NFYC: variants seen among roughly 807,000 people sequenced by gnomAD.
NFYC encodes the protein nuclear transcription factor Y subunit gamma, also known as CAAT box DNA-binding protein subunit C.
NFYC carries 25 observed loss-of-function variants against 53.1 expected under a neutral mutation model. The observed-to-expected ratio is 0.47, with a 90% CI of 0.34 to 0.66. The LOEUF is 0.66. Ranked by LOEUF, NFYC falls within the 30% of genes least tolerant of loss-of-function variation. The pLI, the probability that NFYC is intolerant of heterozygous loss-of-function variation, is 0.01. For synonymous variants in NFYC, 145 were observed against 152.6 expected (o/e 0.95, Z 0.37); for missense variants, 260 against 422.7 (o/e 0.62, Z 3.38).
chr1:40,769,077 G>A, intron 8 of NFYC: 1 of 375,414 alleles, frequency 2.7e-6, no homozygotes, highest in South Asian at 2.7e-5. Flanking sequence ...TTTGAGATGA[G>A]TGGGTGGTTG....
intron 1 of NFYC, among the ~76,000 whole-genome samples, chr1:40,718,339 C>G (rs894814957): frequency 4.6e-5 from 7 of 152,170 alleles, no homozygotes; most frequent in Admixed American, 2.6e-4. Context: ...GGCTTTTGCT[C>G]TTTATACTGC....
intron 1 of NFYC, among the ~76,000 whole-genome samples, chr1:40,732,036 A>C (rs1453696332): frequency 6.6e-6 from 1 of 152,252 alleles, no homozygotes; most frequent in Non-Finnish European, 1.5e-5. Flanking sequence ...ACTTTGCTTT[A>C]ATTGGAAGCA....
intron 1 of NFYC, among the ~76,000 whole-genome samples, chr1:40,711,876 A>G (rs1643939600): frequency 6.6e-6 from 1 of 152,250 alleles, no homozygotes; most frequent in Admixed American, 6.5e-5. Context: ...AGCATGGTAC[A>G]GACCATTTAA....
At chr1:40,700,181 G>T (rs576481043) in intron 1 of NFYC, among the ~76,000 whole-genome samples, 104 of 152,280 alleles carry the variant, frequency 6.8e-4, no homozygotes, top group African/African-American at 2.3e-3. Context: ...GGATGAATGT[G>T]ATTTCAAAGG....
intron 1 of NFYC, chr1:40,721,811 C>G: frequency 6.6e-6 from 1 of 152,330 alleles, no homozygotes; most frequent in East Asian, 1.9e-4. Flanking sequence ...GATCCTCCTG[C>G]TTTGGCTTCC....
At chr1:40,714,773 C>T (rs558140660) in intron 1 of NFYC, among the ~76,000 whole-genome samples, 129 of 152,204 alleles carry the variant, frequency 8.5e-4, no homozygotes, top group African/African-American at 3.1e-3. Flanking sequence ...GCTACTAGGC[C>T]TGGCTAATTA....
chr1:40,717,940 A>G (rs764410437), intron 1 of NFYC, among the ~76,000 whole-genome samples: 1 of 152,244 alleles, frequency 6.6e-6, no homozygotes. Flanking sequence ...CATCTGTAGG[A>G]TTTAGCAGAA....
rs955748898 is a variant in NFYC, at chr1:40,771,075, T to C, written c.*247T>C. On this transcript the variant is annotated 3_prime_UTR_variant, in exon 10 of 10. Transcript: ENST00000447388. ...AATATTTCAATATGTTGAGTGTGTG[T>C]CCAATGCTATGAAATTAAAATATTA... 1.3e-5 allele frequency: 7 copies of C among 551,870 alleles called. No homozygotes were observed. The Admixed American group carries it at 1.6e-4, about 13-fold the overall frequency. The allele number at this position is 551,870 out of a possible 1,614,324, so 34.2% of individuals were successfully genotyped here. A position where few individuals can be genotyped will look rare whatever the true frequency, so the allele number is the denominator to read the frequency against.
At chr1:40,697,087 G>A (rs1643189445) in intron 1 of NFYC, among the ~76,000 whole-genome samples, 1 of 152,216 alleles carries the variant, frequency 6.6e-6, no homozygotes, top group African/African-American at 2.4e-5. Context: ...CTGTGCTGGA[G>A]CAGGTTCTTA....
intron 1 of NFYC, chr1:40,735,073 A>G (rs1385651959): frequency 6.6e-6 from 1 of 152,052 alleles, no homozygotes; most frequent in African/African-American, 2.4e-5. Context: ...GGGGCCCTCA[A>G]ATGTAAGCTG....
intron 1 of NFYC, among the ~76,000 whole-genome samples, chr1:40,711,557 C>T (rs1240840619): frequency 2.6e-5 from 4 of 152,144 alleles, no homozygotes; most frequent in African/African-American, 7.2e-5. Flanking sequence ...CAGTCACTGC[C>T]TCTAGCCGAG....
chr1:40,719,301 T>C (rs2148484715), intron 1 of NFYC, among the ~76,000 whole-genome samples: 1 of 152,374 alleles, frequency 6.6e-6, no homozygotes, highest in South Asian at 2.1e-4. Flanking sequence ...AATAACATTA[T>C]CACCATGTTC....
intron 1 of NFYC, among the ~76,000 whole-genome samples, chr1:40,704,600 G>T (rs1014126943): frequency 1.3e-5 from 2 of 152,192 alleles, no homozygotes; most frequent in Non-Finnish European, 2.9e-5. Flanking sequence ...TGAATTCTAA[G>T]GTAAGTGTTG....
intron 1 of NFYC, among the ~76,000 whole-genome samples, chr1:40,694,875 T>C (rs963677375): frequency 5.9e-5 from 9 of 152,226 alleles, no homozygotes; most frequent in African/African-American, 2.2e-4. Context: ...ATTTATACTT[T>C]ATAGGCTGTG....
intron 4 of NFYC, among the ~76,000 whole-genome samples, chr1:40,751,873 G>A (rs2148689508): frequency 6.6e-6 from 1 of 152,202 alleles, no homozygotes; most frequent in East Asian, 1.9e-4. Context: ...TCTTAAATGA[G>A]TTCTGGCAAT....
At chr1:40,754,342 C>G in intron 5 of NFYC, 1 of 534,558 alleles carries the variant, frequency 1.9e-6, no homozygotes, top group Non-Finnish European at 3.8e-6. Flanking sequence ...CTCACTGCGT[C>G]TCCGTTCTTT....
intron 1 of NFYC, among the ~76,000 whole-genome samples, chr1:40,728,058 C>T (rs946016955): frequency 1.4e-4 from 21 of 151,932 alleles, no homozygotes; most frequent in Admixed American, 3.9e-4. Flanking sequence ...GGACTACAGG[C>T]GTGCACCAAC....
At chr1:40,704,218 C>T (rs1643582108) in intron 1 of NFYC, among the ~76,000 whole-genome samples, 1 of 151,980 alleles carries the variant, frequency 6.6e-6, no homozygotes, top group Non-Finnish European at 1.5e-5. Flanking sequence ...ACTACAGGCG[C>T]CCGCCACCAC....
At chr1:40,741,126 C>A (rs979501985) in intron 2 of NFYC, among the ~76,000 whole-genome samples, 1 of 152,058 alleles carries the variant, frequency 6.6e-6, no homozygotes, top group Non-Finnish European at 1.5e-5. Context: ...ATTTTTGATA[C>A]CTCATAGAAG....
Sources: allele counts gnomAD v4.1 joint callset (sites outside exome capture counted in the v4.1 genomes callset), GRCh38; gene constraint gnomAD v4.1.1; transcripts MANE v1.5; gene names NCBI Gene and HGNC (gene_info 2026-07-23, HGNC 2026-07-21).